Variants in SLMAP observed in about 807,000 individuals in gnomAD.
The protein encoded by SLMAP is sarcolemmal membrane-associated protein.
SLMAP carries 44 observed loss-of-function variants against 128.8 expected under a neutral mutation model. That is an observed-to-expected ratio of 0.34 (90% CI 0.27 to 0.44). The LOEUF is 0.44. SLMAP is among the 20% of genes least tolerant of loss of function. The pLI is 1.00. For synonymous variants in SLMAP, 327 were observed against 348.8 expected, an observed-to-expected ratio of 0.94 and a Z score of 0.70; for missense variants, 787 against 985.3, an observed-to-expected ratio of 0.80 and a Z score of 2.69.
At chr3:57,862,834 A>C (rs2095150082) in intron 10 of SLMAP, among the ~76,000 whole-genome samples, 1 of 152,120 alleles carries the variant, frequency 6.6e-6, no homozygotes, top group Non-Finnish European at 1.5e-5. Flanking sequence ...TTGATGTAAA[A>C]ATTTGGTAAC....
chr3:57,881,097 G>A (rs1464000377), intron 14 of SLMAP, among the ~76,000 whole-genome samples: 6 of 152,034 alleles, frequency 3.9e-5, no homozygotes, highest in Non-Finnish European at 4.4e-5. Flanking sequence ...AGGAGGCTGA[G>A]GCAGGAGAAT....
At chr3:57,771,469 A>T (rs2080883608) in intron 2 of SLMAP, among the ~76,000 whole-genome samples, 1 of 152,046 alleles carries the variant, frequency 6.6e-6, no homozygotes, top group Non-Finnish European at 1.5e-5. Context: ...GAGCTCAAGT[A>T]ATCCCCCTGC....
At chr3:57,879,011 A>T (rs1233067129) in intron 14 of SLMAP, among the ~76,000 whole-genome samples, 2 of 152,188 alleles carry the variant, frequency 1.3e-5, no homozygotes, top group African/African-American at 2.4e-5. Context: ...AATTAGTTGT[A>T]GCTGTCAAGT....
intron 2 of SLMAP, among the ~76,000 whole-genome samples, chr3:57,766,645 CTTA>C (rs2079796447): frequency 6.6e-6 from 1 of 152,090 alleles, no homozygotes; most frequent in Non-Finnish European, 1.5e-5. Flanking sequence ...AAATCTATAT[CTTA>C]TTTTCTTTTT....
At chr3:57,783,377 G>T (rs2083446016) in intron 2 of SLMAP, among the ~76,000 whole-genome samples, 1 of 152,194 alleles carries the variant, frequency 6.6e-6, no homozygotes, top group Non-Finnish European at 1.5e-5. Context: ...GGTCATCTTT[G>T]TTATGAAGTG....
At chr3:57,923,739 C>T (rs921538541) in intron 23 of SLMAP, among the ~76,000 whole-genome samples, 12 of 152,170 alleles carry the variant, frequency 7.9e-5, no homozygotes, top group African/African-American at 1.9e-4. Flanking sequence ...CTGCAGTGTG[C>T]GTGAGCCACA....
At chr3:57,819,037 T>A (rs1202995815) in intron 2 of SLMAP, among the ~76,000 whole-genome samples, 4 of 152,214 alleles carry the variant, frequency 2.6e-5, no homozygotes, top group Admixed American at 2.0e-4. Flanking sequence ...TTATTTTCCT[T>A]CTTCCAAATA....
At chr3:57,911,491 T>G (rs866127249) in intron 19 of SLMAP, among the ~76,000 whole-genome samples, 6 of 152,232 alleles carry the variant, frequency 3.9e-5, no homozygotes, top group African/African-American at 1.4e-4. Context: ...GTTTCCAGTT[T>G]GGGTCATGAG....
Position 57,927,308 on chromosome 3 carries a change from T to C in SLMAP, c.*19T>C, listed in dbSNP as rs993125355. The C allele has an allele frequency of 3.1e-6, 5 of 1,605,716 alleles. No individual in the cohort carries two copies. Among genetic ancestry groups the C allele is most frequent in the Non-Finnish European group, 4.3e-6 (5 of 1,174,464 alleles). ...TCTTTCCACACAGAAACCCTGGCCCTGGATGCCCATGTTGGCTGCCCTGGT... is the reference window on the plus strand; with the variant it reads ...TCTTTCCACACAGAAACCCTGGCCCCGGATGCCCATGTTGGCTGCCCTGGT... On this transcript the variant is annotated 3_prime_UTR_variant, in exon 25 of 25. Coordinates refer to ENST00000671191, the MANE Select transcript of SLMAP (RefSeq NM_001377540.1).
At chr3:57,913,040 C>G in intron 20 of SLMAP, 118 bp from the exon 21 acceptor site, 2 of 564,896 alleles carry the variant, frequency 3.5e-6, no homozygotes, top group South Asian at 6.6e-5. Context: ...CATGTAAAAT[C>G]TACTTGCTTT....
At chr3:57,794,015 T>A (rs2153479268) in intron 2 of SLMAP, among the ~76,000 whole-genome samples, 1 of 152,056 alleles carries the variant, frequency 6.6e-6, no homozygotes, top group East Asian at 1.9e-4. Flanking sequence ...TGCCGTGAGA[T>A]GTGTTCGAGT....
In SLMAP at chr3:57,871,617, G is replaced by T; in HGVS notation, c.1238-19G>T. 6.2e-7 allele frequency: 1 copy of T among 1,600,546 alleles called. No individual in the cohort carries two copies. The highest frequency in any genetic ancestry group is 8.6e-7 in the Non-Finnish European group (1 of 1,168,438). ...ACAGCAACAAACTATATCCTTAAAG[G>T]TGTTTCTTTCTTTATTAGAGCACTT... On this transcript the variant is annotated intron_variant, in intron 13 of 24. Coordinates refer to ENST00000671191, the MANE Select transcript of SLMAP (RefSeq NM_001377540.1).
chr3:57,892,974 C>T (rs1322325804), intron 15 of SLMAP, among the ~76,000 whole-genome samples: 1 of 151,520 alleles, frequency 6.6e-6, no homozygotes, highest in Non-Finnish European at 1.5e-5. Context: ...GCTGGGAGTA[C>T]AGGTACCCAC....
intron 2 of SLMAP, among the ~76,000 whole-genome samples, chr3:57,769,205 T>A (rs1022998729): frequency 5.9e-5 from 9 of 152,180 alleles, no homozygotes; most frequent in African/African-American, 1.9e-4. Context: ...ATTTTATTTT[T>A]TTTTTGAGAT....
rs1576543612 is a variant in SLMAP, at chr3:57,928,625, G to T, written c.*1336G>T. On this transcript the variant is annotated 3_prime_UTR_variant, in exon 25 of 25. Transcript: ENST00000671191. ...AGTTATGTCAATAAAGTTTATTTAG[G>T]TCATAGAATATCCTAAAGTATCACA... 1 of 152,078 alleles carries T rather than the reference G, an allele frequency of 6.6e-6. No homozygotes were observed. Among genetic ancestry groups the T allele is most frequent in the Non-Finnish European group, 1.5e-5 (1 of 67,994 alleles). The allele number at this position is 152,078 out of a possible 1,614,324, so 9.4% of individuals were successfully genotyped here. A position where few individuals can be genotyped will look rare whatever the true frequency, so the allele number is the denominator to read the frequency against.
At chr3:57,761,797 C>T (rs2078694402) in intron 2 of SLMAP, among the ~76,000 whole-genome samples, 1 of 150,634 alleles carries the variant, frequency 6.6e-6, no homozygotes. Flanking sequence ...CCTGTAATCC[C>T]AGCACTTTGG....
chr3:57,814,972 G>A (rs565045597), intron 2 of SLMAP, among the ~76,000 whole-genome samples: 2 of 152,230 alleles, frequency 1.3e-5, no homozygotes, highest in African/African-American at 4.8e-5. Context: ...GGGTTACAGA[G>A]CAAGACTCTG....
chr3:57,836,498 T>A (rs2093649014), intron 3 of SLMAP, among the ~76,000 whole-genome samples: 1 of 152,066 alleles, frequency 6.6e-6, no homozygotes, highest in Non-Finnish European at 1.5e-5. Context: ...AAACAATCTG[T>A]TTTTTAAATT....
chr3:57,783,121 C>T (rs1310151198), intron 2 of SLMAP, among the ~76,000 whole-genome samples: 1 of 152,054 alleles, frequency 6.6e-6, no homozygotes, highest in Non-Finnish European at 1.5e-5. Flanking sequence ...AGCTTTGGAA[C>T]TGGGTAATGG....
Sources: gnomAD v4.1 joint callset for allele counts (sites outside exome capture counted in the v4.1 genomes callset) on GRCh38, gnomAD v4.1.1 for gene constraint, MANE v1.5 for transcripts, NCBI Gene and HGNC (gene_info 2026-07-23, HGNC 2026-07-21) for gene names.